Variants in ARHGAP10 observed in about 807,000 individuals in gnomAD.
ARHGAP10 encodes rho GTPase-activating protein 10.
Under a neutral mutation model 108.6 loss-of-function variants are expected in ARHGAP10, and 87 were observed. That is an observed-to-expected ratio of 0.80 (90% CI 0.67 to 0.96). ARHGAP10 has a LOEUF of 0.96. ARHGAP10 is among the 40% of genes least tolerant of loss of function. The pLI, the probability that ARHGAP10 is intolerant of heterozygous loss-of-function variation, is 0.00. For missense variants in ARHGAP10, 939 were observed against 954.5 expected (o/e 0.98, Z 0.21); for synonymous variants, 347 against 341.1 (o/e 1.02, Z -0.19).
At position 147,879,378 on chromosome 4, in the gene ARHGAP10, C is replaced by T. The variant is rs199815485; in HGVS notation, c.939+40C>T. The T allele has an allele frequency of 1.4e-5, 21 of 1,552,378 alleles. No individual in the cohort carries two copies. In the East Asian group the frequency reaches 4.5e-4, roughly 33 times the overall value. Reference sequence around the variant, plus strand: ...CAACATAGAATAGATTATAATCTGTCAGAGGTAGTGTTTGAGGGTGTCATT... The same window carrying T: ...CAACATAGAATAGATTATAATCTGTTAGAGGTAGTGTTTGAGGGTGTCATT... On this transcript the variant is annotated intron_variant, in intron 9 of 22. Coordinates refer to ENST00000336498, the MANE Select transcript of ARHGAP10 (RefSeq NM_024605.4).
At chr4:147,836,083 T>C (rs1733159053) in intron 3 of ARHGAP10, among the ~76,000 whole-genome samples, 1 of 152,210 alleles carries the variant, frequency 6.6e-6, no homozygotes, top group Non-Finnish European at 1.5e-5. Flanking sequence ...ATTTAAATAA[T>C]CTGAATAAAA....
intron 19 of ARHGAP10, among the ~76,000 whole-genome samples, chr4:148,025,768 A>T (rs1321197733): frequency 6.6e-6 from 1 of 152,132 alleles, no homozygotes; most frequent in East Asian, 1.9e-4. Context: ...GAATCATATA[A>T]TTGTCAAAAC....
intron 10 of ARHGAP10, among the ~76,000 whole-genome samples, chr4:147,890,305 TG>T (rs1268513833): frequency 1.3e-5 from 2 of 152,176 alleles, no homozygotes; most frequent in African/African-American, 4.8e-5. Flanking sequence ...TGATTATCAA[TG>T]GTTAGATGGA....
chr4:147,855,545 T>A (rs1349814140), intron 4 of ARHGAP10, among the ~76,000 whole-genome samples: 1 of 152,168 alleles, frequency 6.6e-6, no homozygotes, highest in African/African-American at 2.4e-5. Context: ...AAATACAACT[T>A]CTGCTTTTTT....
At chr4:147,817,163 G>A (rs1041051492) in intron 1 of ARHGAP10, among the ~76,000 whole-genome samples, 1 of 152,008 alleles carries the variant, frequency 6.6e-6, no homozygotes, top group Non-Finnish European at 1.5e-5. Flanking sequence ...TTCTTTTCAA[G>A]CCCAGGATTA....
chr4:148,035,128 A>AT (rs959834843), intron 19 of ARHGAP10, among the ~76,000 whole-genome samples: 2 of 151,978 alleles, frequency 1.3e-5, no homozygotes, highest in African/African-American at 4.8e-5. Context: ...TGGGGTCTTT[A>AT]TTTTTTGTCA....
chr4:147,769,620 C>A (rs1051123448), intron 1 of ARHGAP10, among the ~76,000 whole-genome samples: 5 of 152,176 alleles, frequency 3.3e-5, no homozygotes, highest in African/African-American at 1.2e-4. Flanking sequence ...ACAAAACCCT[C>A]TTGAATCATC....
At position 147,995,740 on chromosome 4, in the gene ARHGAP10, G is replaced by C. The variant is rs148979681; in HGVS notation, c.1717-27523G>C. Among the ~76,000 whole-genome samples, 44 of 151,506 alleles carry C rather than the reference G, an allele frequency of 2.9e-4. No homozygotes were observed. The East Asian group carries it at 7.0e-3, about 24-fold the overall frequency. ...TCTCTCTCTCTTTTTTTTTCATGAC[G>C]GAGTCTTGCTCTGTCACCCAGGCTG... is the stretch of plus-strand genomic sequence containing the variant. On this transcript the variant is annotated intron_variant, in intron 18 of 22. Coordinates refer to ENST00000336498, the MANE Select transcript of ARHGAP10 (RefSeq NM_024605.4).
intron 4 of ARHGAP10, among the ~76,000 whole-genome samples, chr4:147,851,603 A>G (rs569039882): frequency 6.6e-6 from 1 of 152,342 alleles, no homozygotes; most frequent in South Asian, 2.1e-4. Flanking sequence ...ATAATTTCTC[A>G]TATTACATTG....
rs193055672 is a variant in ARHGAP10 at position 147,785,914 on chromosome 4, C to T, written c.155-36813C>T. Reference sequence around the variant, plus strand: ...CACTCCCTATTTTCATAATTTGTCACCAAATACATTTTTCAAGTCTCTAGT... The same window carrying T: ...CACTCCCTATTTTCATAATTTGTCATCAAATACATTTTTCAAGTCTCTAGT... On this transcript the variant is annotated intron_variant, in intron 1 of 22. Transcript: ENST00000336498. Among the ~76,000 whole-genome samples the T allele has an allele frequency of 1.7e-3, 260 of 152,208 alleles. 1 individual carries two copies. The highest frequency in any genetic ancestry group is 2.9e-3 in the Non-Finnish European group (200 of 68,012).
intron 5 of ARHGAP10, chr4:147,863,661 T>A (rs1734421075): frequency 6.6e-6 from 1 of 152,158 alleles, no homozygotes; most frequent in South Asian, 2.1e-4. Flanking sequence ...AAAATTTATT[T>A]TAATTTTTTG....
intron 13 of ARHGAP10, among the ~76,000 whole-genome samples, chr4:147,920,621 C>T (rs1470809324): frequency 8.0e-6 from 1 of 125,656 alleles, no homozygotes; most frequent in Non-Finnish European, 1.8e-5. Context: ...CTCTGGGATA[C>T]GTGTTCAACG....
At chr4:147,912,775 A>G (rs914041057) in intron 12 of ARHGAP10, among the ~76,000 whole-genome samples, 3 of 145,950 alleles carry the variant, frequency 2.1e-5, no homozygotes, top group Non-Finnish European at 4.5e-5. Flanking sequence ...CCTCCTGAGC[A>G]GCTGGGACTA....
intron 10 of ARHGAP10, among the ~76,000 whole-genome samples, chr4:147,886,779 T>TCTTTTC (rs1735584201): frequency 6.6e-6 from 1 of 152,190 alleles, no homozygotes; most frequent in Non-Finnish European, 1.5e-5. Context: ...TTTTTCTTTT[T>TCTTTTC]CTTTTCTTTG....
chr4:148,051,269 T>G (rs1185718185), intron 20 of ARHGAP10, among the ~76,000 whole-genome samples: 1 of 152,234 alleles, frequency 6.6e-6, no homozygotes, highest in Non-Finnish European at 1.5e-5. Flanking sequence ...TCATTGCCAG[T>G]GAAGAATTGC....
chr4:147,940,663 A>G (rs1476461833), intron 14 of ARHGAP10, among the ~76,000 whole-genome samples: 1 of 152,152 alleles, frequency 6.6e-6, no homozygotes, highest in Non-Finnish European at 1.5e-5. Context: ...TTGATACCTT[A>G]CTTTAATTAA....
Position 147,875,067 on chromosome 4 carries a change from T to A in ARHGAP10, c.749T>A (p.Met250Lys). 1 of 1,609,600 alleles carries A rather than the reference T, an allele frequency of 6.2e-7. No homozygotes were observed. The highest frequency in any genetic ancestry group is 1.3e-5 in the African/African-American group (1 of 74,810). ...EGTRSEVEEL[M>K]NKIRQNPKDH... is the part of the protein sequence containing the mutation. Reference sequence around the variant, plus strand: ...ACAAGGTCAGAAGTGGAAGAGCTCATGAACAAAATCAGACAGAATCCCAAG... The same window carrying A: ...ACAAGGTCAGAAGTGGAAGAGCTCAAGAACAAAATCAGACAGAATCCCAAG... Residue 250 changes from methionine to lysine, a missense_variant, in exon 8 of 23, where the codon ATG becomes AAG. By Grantham distance (95) the Met-to-Lys change is moderately conservative. Coordinates refer to ENST00000336498, the MANE Select transcript of ARHGAP10 (RefSeq NM_024605.4).
intron 3 of ARHGAP10, among the ~76,000 whole-genome samples, chr4:147,830,874 A>G (rs999669454): frequency 4.6e-5 from 7 of 152,258 alleles, no homozygotes; most frequent in Non-Finnish European, 7.3e-5. Context: ...AGTGTTTCAG[A>G]GTATTACTAA....
chr4:147,980,815 T>G (rs940460485), intron 18 of ARHGAP10, among the ~76,000 whole-genome samples: 5 of 152,218 alleles, frequency 3.3e-5, no homozygotes, highest in Non-Finnish European at 7.3e-5. Flanking sequence ...TCCTCTAGAT[T>G]TTCTAATCAG....
Sources: gnomAD v4.1 joint callset for allele counts (sites outside exome capture counted in the v4.1 genomes callset) on GRCh38, gnomAD v4.1.1 for gene constraint, MANE v1.5 for transcripts, NCBI Gene and HGNC (gene_info 2026-07-23, HGNC 2026-07-21) for gene names.